UTP20: variants seen among roughly 807,000 people sequenced by gnomAD.
The protein encoded by UTP20 is small subunit processome component 20 homolog.
Under a neutral mutation model 329.5 loss-of-function variants are expected in UTP20, and 164 were observed. The observed-to-expected ratio is 0.50, with a 90% confidence interval of 0.44 to 0.57. The LOEUF (loss-of-function observed/expected upper bound fraction) is 0.57, where lower values mean the gene tolerates loss of function less well. Ranked by LOEUF, UTP20 falls within the 20% of genes least tolerant of loss-of-function variation. The pLI is 0.00. For missense variants in UTP20, 3,055 were observed against 3,284.2 expected (o/e 0.93, Z 1.71); for synonymous variants, 1,151 against 1,159.3 (o/e 0.99, Z 0.14).
chr12:101,317,225 C>T (rs1260588777), intron 21 of UTP20, among the ~76,000 whole-genome samples: 1 of 152,172 alleles, frequency 6.6e-6, no homozygotes. Flanking sequence ...CCAAAATAGA[C>T]ATTTCAAATA....
chr12:101,345,642 C>T lies in UTP20; in HGVS notation c.4694C>T (p.Thr1565Ile), dbSNP rs764173740. ...GAATTCAAAGACTTGGTACAACTTACTCATTACCATGACCCAGAAATGGAC... is the reference window on the plus strand; with the variant it reads ...GAATTCAAAGACTTGGTACAACTTATTCATTACCATGACCCAGAAATGGAC... ...QLEFKDLVQL[T>I]HYHDPEMDFF... The change falls in exon 37 of 62, where the codon ACT becomes ATT. Residue 1565 changes from threonine to isoleucine, a missense_variant. Physicochemically the swap from Thr to Ile is moderately conservative, Grantham distance 89 (BLOSUM62 -1). Around this residue, in one of 3 missense-constraint regions of UTP20, gnomAD observed 2,445 missense variants for 2,575.5 expected, o/e 0.95. Transcript: ENST00000261637. 2 of 1,612,870 alleles carry T rather than the reference C, an allele frequency of 1.2e-6. No homozygotes were observed. The highest frequency in any genetic ancestry group is 2.7e-5 in the African/African-American group (2 of 74,856).
chr12:101,317,727 T>G (rs1873021833), intron 22 of UTP20, 64 bp downstream of exon 22: 7 of 1,466,392 alleles, frequency 4.8e-6, no homozygotes, highest in Non-Finnish European at 5.5e-6. Flanking sequence ...AAGAGGTCTC[T>G]TACGGCTTTA....
intron 16 of UTP20, among the ~76,000 whole-genome samples, chr12:101,306,487 G>A (rs1872643922): frequency 6.6e-6 from 1 of 152,114 alleles, no homozygotes; most frequent in African/African-American, 2.4e-5. Context: ...TAGTGTCATA[G>A]TTCAAAGAAA....
chr12:101,290,595 A>C, intron 7 of UTP20, 138 bp from the exon 8 acceptor site: 1 of 939,526 alleles, frequency 1.1e-6, no homozygotes, highest in South Asian at 2.2e-5. Flanking sequence ...ACACGTTATT[A>C]ACCATCAAAG....
chr12:101,337,517 G>A (rs1868971966), intron 29 of UTP20, among the ~76,000 whole-genome samples: 1 of 152,058 alleles, frequency 6.6e-6, no homozygotes, highest in African/African-American at 2.4e-5. Flanking sequence ...TTCATTATTG[G>A]GGATGGATTC....
chr12:101,312,062 G>T lies in UTP20; in HGVS notation c.2338G>T (p.Asp780Tyr). 1 of 1,614,250 alleles carries T rather than the reference G, an allele frequency of 6.2e-7. No homozygotes were observed. Among genetic ancestry groups the T allele is most frequent in the Non-Finnish European group, 8.5e-7 (1 of 1,180,040 alleles). ...AEKELQNDMTDEKSVGDESWE... is the reference protein window; with the variant it reads ...AEKELQNDMTYEKSVGDESWE... ...GAAGGAACTACAGAATGATATGACAGATGAGAAGTCCGTTGGAGATGAAAG... is the reference window on the plus strand; with the variant it reads ...GAAGGAACTACAGAATGATATGACATATGAGAAGTCCGTTGGAGATGAAAG... The change falls in exon 21 of 62, where the codon GAT (aspartate) becomes TAT (tyrosine). Residue 780 changes from aspartate (D) to tyrosine (Y), a missense_variant. Transcript: ENST00000261637.
intron 47 of UTP20, 103 bp downstream of exon 47, chr12:101,366,802 T>C (rs1870109264): frequency 2.1e-6 from 3 of 1,399,148 alleles, no homozygotes; most frequent in Admixed American, 4.8e-5. Context: ...GGAAATGCCT[T>C]ACTGTAAATA....
At chr12:101,366,077 CA>C (rs1377397796) in intron 46 of UTP20, among the ~76,000 whole-genome samples, 1 of 152,062 alleles carries the variant, frequency 6.6e-6, no homozygotes, top group Non-Finnish European at 1.5e-5. Flanking sequence ...ACTAAAAACA[CA>C]AAAATTAGCC....
intron 38 of UTP20, among the ~76,000 whole-genome samples, chr12:101,348,907 T>TAA (rs1869422630): frequency 6.6e-6 from 1 of 152,054 alleles, no homozygotes; most frequent in Admixed American, 6.6e-5. Flanking sequence ...GGACTTCCCT[T>TAA]AATTTTTAGT....
chr12:101,328,421 A>G (rs1340272765), intron 26 of UTP20, among the ~76,000 whole-genome samples: 2 of 152,108 alleles, frequency 1.3e-5, no homozygotes, highest in African/African-American at 4.8e-5. Flanking sequence ...TTTATAAGGG[A>G]CTCTGATTTT....
intron 29 of UTP20, among the ~76,000 whole-genome samples, chr12:101,337,250 CT>C (rs1250399863): frequency 6.6e-6 from 1 of 152,224 alleles, no homozygotes; most frequent in Non-Finnish European, 1.5e-5. Flanking sequence ...TGAATATAAC[CT>C]CTTAGAACTT....
intron 2 of UTP20, among the ~76,000 whole-genome samples, chr12:101,281,851 C>T (rs1490993456): frequency 5.9e-5 from 9 of 151,992 alleles, no homozygotes; most frequent in Non-Finnish European, 4.4e-5. Flanking sequence ...ATTACAGGTA[C>T]GTGCCACCAC....
In UTP20 at chr12:101,374,932, T is replaced by C; in HGVS notation, c.7256T>C (p.Phe2419Ser). 3 of 1,611,836 alleles carry C rather than the reference T, an allele frequency of 1.9e-6. No individual in the cohort carries two copies. The highest frequency in any genetic ancestry group is 1.1e-5 in the South Asian group (1 of 90,980). ...GAAAAGGAAATTGATCCTGAAAACT[T>C]TAAAGATGTAAGTAATTTGCTAGGG... is the stretch of plus-strand genomic sequence containing the variant. ...VIEKEIDPEN[F>S]KDIMEETEEK... Residue 2419 changes from phenylalanine (F) to serine (S), a missense_variant, in exon 55 of 62, where the codon TTT becomes TCT. By Grantham distance (155) the Phe-to-Ser change is radical (BLOSUM62 -2). Coordinates refer to ENST00000261637, the MANE Select transcript of UTP20 (RefSeq NM_014503.3).
chr12:101,385,819 TC>T lies in UTP20; in HGVS notation c.8202+92del. 3.3e-6 allele frequency: 5 copies of T among 1,525,864 alleles called. No homozygotes were observed. The South Asian group carries it at 6.3e-5, about 19-fold the overall frequency. The allele number at this position is 1,525,864 out of a possible 1,614,324, so 94.5% of individuals were successfully genotyped here. A position where few individuals can be genotyped will look rare whatever the true frequency, so the allele number is the denominator to read the frequency against. ...GTGTCACACTTACACTTAGGGAGGA[TC>T]AAGGGTTTGAGCGGTTGGGGACTTT... On this transcript the variant is annotated intron_variant, in intron 61 of 61. Transcript: ENST00000261637.
chr12:101,350,198 G>A (rs754620423), intron 38 of UTP20, among the ~76,000 whole-genome samples: 99 of 151,944 alleles, frequency 6.5e-4, no homozygotes, highest in African/African-American at 2.2e-3. Flanking sequence ...ACAGTGTCTC[G>A]CTCTGTCTCC....
intron 37 of UTP20, among the ~76,000 whole-genome samples, chr12:101,346,172 G>T (rs528888054): frequency 6.6e-5 from 10 of 151,910 alleles, no homozygotes; most frequent in African/African-American, 2.4e-4. Flanking sequence ...CTGCCTCAGC[G>T]TCCTGAGTAG....
chr12:101,354,636 A>G (rs1414693721), intron 40 of UTP20, among the ~76,000 whole-genome samples, 196 bp from the exon 41 acceptor site: 1 of 152,052 alleles, frequency 6.6e-6, no homozygotes, highest in African/African-American at 2.4e-5. Context: ...TCTCTCTTTA[A>G]ACTCTAAACT....
rs1872852420 is a variant in UTP20 at position 101,313,271 on chromosome 12, C to T, written c.2552+995C>T. 3.9e-5 allele frequency among the ~76,000 whole-genome samples: 6 copies of T among 152,132 alleles called. No individual in the cohort carries two copies. The South Asian group carries it at 1.2e-3, about 32-fold the overall frequency. ...AAGCAGGCCATAAACCACAACATGC[C>T]TGGCTTGTTCAATGAACAGCAAGAT... is the stretch of plus-strand genomic sequence containing the variant. On this transcript the variant is annotated intron_variant, in intron 21 of 61. Coordinates refer to ENST00000261637, the MANE Select transcript of UTP20 (RefSeq NM_014503.3).
chr12:101,370,548 C>G lies in UTP20; in HGVS notation c.6672C>G (p.Ala2224=). 6.2e-7 allele frequency: 1 copy of G among 1,613,016 alleles called. No homozygotes were observed. Among genetic ancestry groups the G allele is most frequent in the Non-Finnish European group, 8.5e-7 (1 of 1,179,596 alleles). The part of the protein sequence containing the change: ...DIYDTSRQAT[A]FGLLKAILSR... ...ATGATACTTCAAGACAAGCCACTGC[C>G]TTTGGTCTTCTGAAGGTATGCTGTC... is the stretch of plus-strand genomic sequence containing the variant. Residue 2224 remains alanine, a synonymous_variant, in exon 50 of 62, where the codon GCC becomes GCG. Transcript: ENST00000261637.
Sources: gnomAD v4.1 joint callset for allele counts (sites outside exome capture counted in the v4.1 genomes callset) on GRCh38, gnomAD v4.1.1 for gene constraint, gnomAD v4.1.1 regional missense constraint, MANE v1.5 for transcripts, NCBI Gene and HGNC (gene_info 2026-07-23, HGNC 2026-07-21) for gene names.